The following CAMSAP1 variants were observed in gnomAD, a reference collection of about 807,000 sequenced individuals.
CAMSAP1 encodes calmodulin regulated spectrin associated protein 1, also known as calmodulin-regulated spectrin-associated protein 1.
CAMSAP1 carries 58 observed loss-of-function variants against 143.5 expected under a neutral mutation model. The ratio of observed to expected loss-of-function variants is 0.40; its 90% CI spans 0.33 to 0.50. The LOEUF is 0.50. Among genes scored for constraint, CAMSAP1 ranks in the 20% least tolerant of loss-of-function variants. The pLI is 0.45. For synonymous variants in CAMSAP1, 945 were observed against 859.3 expected, an observed-to-expected ratio of 1.10 and a Z score of -1.74; for missense variants, 1,969 against 2,115.7, an observed-to-expected ratio of 0.93 and a Z score of 1.36.
At chr9:135,878,183 C>T (rs913036636) in intron 3 of CAMSAP1, among the ~76,000 whole-genome samples, 2 of 152,164 alleles carry the variant, frequency 1.3e-5, no homozygotes, top group African/African-American at 2.4e-5. Flanking sequence ...GTAGGGACCC[C>T]GGCCAGGAGG....
intron 7 of CAMSAP1, among the ~76,000 whole-genome samples, chr9:135,835,553 C>A (rs1022066501): frequency 6.6e-6 from 1 of 152,222 alleles, no homozygotes; most frequent in Non-Finnish European, 1.5e-5. Context: ...GCAGAGCCAA[C>A]AAGGGCACTG....
rs974102236 is a variant in CAMSAP1, at chr9:135,811,798, C to A, written c.4507-187G>T. The stretch of plus-strand genomic sequence containing the variant: ...ACGGGAGCATTATATGCCATTGAGA[C>A]TTTACTTAAGAAGTCTAAGCAAGCA... On this transcript the variant is annotated intron_variant, in intron 16 of 16. Transcript: ENST00000389532. This position sits in a 1 kb window ranked among gnomAD's most constrained non-coding sequence, Gnocchi z 4.9. Among the ~76,000 whole-genome samples the A allele has an allele frequency of 2.0e-5, 3 of 152,186 alleles. No homozygotes were observed. Among genetic ancestry groups the A allele is most frequent in the African/African-American group, 7.2e-5 (3 of 41,446 alleles).
At chr9:135,905,816 C>A (rs1325073822) in intron 1 of CAMSAP1, among the ~76,000 whole-genome samples, 1 of 152,090 alleles carries the variant, frequency 6.6e-6, no homozygotes, top group South Asian at 2.1e-4. Flanking sequence ...GATACCCAGG[C>A]GTCCGCTCTC....
chr9:135,841,599 G>A (rs1836356089), intron 7 of CAMSAP1, among the ~76,000 whole-genome samples: 1 of 152,212 alleles, frequency 6.6e-6, no homozygotes, highest in Admixed American at 6.5e-5. Flanking sequence ...ATACAGGAGA[G>A]CTCCGGTTGA....
In CAMSAP1 at chr9:135,820,857, C is replaced by T. The variant is rs143183327; in HGVS notation, c.3804G>A (p.Gly1268=). 1 of 1,613,258 alleles carries T rather than the reference C, an allele frequency of 6.2e-7. No homozygotes were observed. The highest frequency in any genetic ancestry group is 8.5e-7 in the Non-Finnish European group (1 of 1,179,862). ...DLVSEGDQKP[G]VGFFFKDEQK... is the part of the protein sequence containing the mutation. Reference sequence around the variant, plus strand: ...CCCTTACCTTGAAGAAGAAGCCGACCCCCGGCTTCTGGTCGCCTTCGCTGA... The same window carrying T: ...CCCTTACCTTGAAGAAGAAGCCGACTCCCGGCTTCTGGTCGCCTTCGCTGA... Residue 1268 remains glycine (G), a synonymous_variant, in exon 11 of 17, where the codon GGG becomes GGA. Coordinates refer to ENST00000389532, the MANE Select transcript of CAMSAP1 (RefSeq NM_015447.4). The surrounding 1 kb of genome is among the most constrained non-coding windows in gnomAD (Gnocchi z 4.4).
rs112810908 is a variant in CAMSAP1 at position 135,850,847 on chromosome 9, T to A, written c.809-386A>T. 3.4e-3 allele frequency among the ~76,000 whole-genome samples: 518 copies of A among 152,302 alleles called. 3 individuals carry two copies. The highest frequency in any genetic ancestry group is 0.014 in the Middle Eastern group (4 of 294). On this transcript the variant is annotated intron_variant, in intron 5 of 16. Coordinates refer to ENST00000389532, the MANE Select transcript of CAMSAP1 (RefSeq NM_015447.4). ...AGAAACCCTCTGCACAAGGTTTCCGTGTTTGTAAAGGGCAGGGGGAAGGGA... is the reference window on the plus strand; with the variant it reads ...AGAAACCCTCTGCACAAGGTTTCCGAGTTTGTAAAGGGCAGGGGGAAGGGA...
At chr9:135,836,855 C>T in intron 7 of CAMSAP1, 1 of 983,970 alleles carries the variant, frequency 1.0e-6, no homozygotes, top group Non-Finnish European at 1.2e-6. Context: ...ACACATCATG[C>T]ACTTTCTACC....
chr9:135,891,107 C>T (rs144513692), intron 1 of CAMSAP1, among the ~76,000 whole-genome samples: 1 of 152,140 alleles, frequency 6.6e-6, no homozygotes, highest in African/African-American at 2.4e-5. Context: ...CAGCCAGGCT[C>T]AGAGAGAAAC....
Position 135,812,516 on chromosome 9 carries a change from G to T in CAMSAP1, c.4507-905C>A, listed in dbSNP as rs140688290. Among the ~76,000 whole-genome samples the T allele has an allele frequency of 6.6e-5, 10 of 151,964 alleles. No homozygotes were observed. In the East Asian group the frequency reaches 9.7e-4, roughly 15 times the overall value. On this transcript the variant is annotated intron_variant, in intron 16 of 16. Coordinates refer to ENST00000389532, the MANE Select transcript of CAMSAP1 (RefSeq NM_015447.4). ...AGAGCTTGGGCGCGGGAAGACTTAGGGGGGTGACTGTTCACGGGCGTGGAG... is the reference window on the plus strand; with the variant it reads ...AGAGCTTGGGCGCGGGAAGACTTAGTGGGGTGACTGTTCACGGGCGTGGAG...
intron 3 of CAMSAP1, among the ~76,000 whole-genome samples, chr9:135,870,347 C>T (rs1162158493): frequency 1.3e-5 from 2 of 152,144 alleles, no homozygotes; most frequent in Non-Finnish European, 2.9e-5. Context: ...GTGCCTCTTC[C>T]CCTTCCGCCA....
At chr9:135,887,847 G>A (rs1838174009) in intron 1 of CAMSAP1, among the ~76,000 whole-genome samples, 1 of 152,196 alleles carries the variant, frequency 6.6e-6, no homozygotes, top group Non-Finnish European at 1.5e-5. Flanking sequence ...GCACTGTCAG[G>A]GTGGCAGCAC....
chr9:135,879,361 G>A (rs975597402), intron 3 of CAMSAP1, among the ~76,000 whole-genome samples: 2 of 152,058 alleles, frequency 1.3e-5, no homozygotes, highest in African/African-American at 2.4e-5. Context: ...CACAGCAAAT[G>A]AGAAACGTGA....
rs561502239 is a variant in CAMSAP1, at chr9:135,840,273, C to T, written c.1045+9864G>A. Among the ~76,000 whole-genome samples the T allele has an allele frequency of 9.8e-5, 15 of 152,298 alleles. No homozygotes were observed. In the East Asian group the frequency reaches 2.3e-3, roughly 24 times the overall value. On this transcript the variant is annotated intron_variant, in intron 7 of 16. Transcript: ENST00000389532. The stretch of plus-strand genomic sequence containing the variant: ...TCAGACCAGAGACACTCCCCAGCCT[C>T]GGAGGTGCAGAGCGGGCCCATGACT...
intron 7 of CAMSAP1, among the ~76,000 whole-genome samples, chr9:135,847,961 A>AGGGGGGGGGGGG (rs1836636263): frequency 8.5e-4 from 11 of 12,884 alleles, no homozygotes; most frequent in South Asian, 3.7e-3. Flanking sequence ...GGGGAGGGGG[A>AGGGGGGGGGGGG]GGAGTGAAGG....
intron 7 of CAMSAP1, among the ~76,000 whole-genome samples, chr9:135,847,992 A>T (rs1836638840): frequency 1.5e-5 from 1 of 68,798 alleles, no homozygotes; most frequent in Non-Finnish European, 3.0e-5. Context: ...CAGAAAGGAC[A>T]GGGCAGTGGA....
chr9:135,853,902 G>A lies in CAMSAP1; in HGVS notation c.809-3441C>T, dbSNP rs118089606. 6.6e-3 allele frequency among the ~76,000 whole-genome samples: 1,010 copies of A among 152,354 alleles called. 6 individuals carry two copies. The highest frequency in any genetic ancestry group is 0.011 in the Non-Finnish European group (749 of 68,032). On this transcript the variant is annotated intron_variant, in intron 5 of 16. Coordinates refer to ENST00000389532, the MANE Select transcript of CAMSAP1 (RefSeq NM_015447.4). ...GGCCCAGAGCCACGATCAGAAGGGG[G>A]CAGTGACTGCCCACAAGTGATTCCC...
At chr9:135,862,004 T>C (rs1837211921) in intron 5 of CAMSAP1, among the ~76,000 whole-genome samples, 1 of 152,238 alleles carries the variant, frequency 6.6e-6, no homozygotes, top group Non-Finnish European at 1.5e-5. Context: ...CAATTTTGCA[T>C]TAATTTTCCC....
chr9:135,879,440 T>G (rs1837862831), intron 3 of CAMSAP1, among the ~76,000 whole-genome samples: 1 of 152,042 alleles, frequency 6.6e-6, no homozygotes, highest in Non-Finnish European at 1.5e-5. Flanking sequence ...AAACAAGTGA[T>G]TCACCAGAGA....
chr9:135,857,291 C>A (rs988546510), intron 5 of CAMSAP1, among the ~76,000 whole-genome samples: 1 of 151,988 alleles, frequency 6.6e-6, no homozygotes, highest in Non-Finnish European at 1.5e-5. Context: ...TCTTTTTTCC[C>A]TTATTTCCCA....
Sources: gnomAD v4.1 joint callset for allele counts (sites outside exome capture counted in the v4.1 genomes callset) on GRCh38, gnomAD v4.1.1 for gene constraint, Gnocchi (gnomAD v3.1) non-coding constraint, MANE v1.5 for transcripts, NCBI Gene and HGNC (gene_info 2026-07-23, HGNC 2026-07-21) for gene names.